The following CHN2 variants were observed in gnomAD, a reference collection of about 807,000 sequenced individuals.
CHN2 encodes the protein beta-chimaerin.
A neutral mutation model predicts 56.3 loss-of-function variants in CHN2; 35 were observed. The ratio of observed to expected loss-of-function variants is 0.62; its 90% CI spans 0.47 to 0.82. CHN2 has a LOEUF of 0.82. Ranked by LOEUF, CHN2 falls within the 40% of genes least tolerant of loss-of-function variation. CHN2 has a pLI of 0.00. For missense variants in CHN2, 491 were observed against 580.5 expected (o/e 0.85, Z 1.58); for synonymous variants, 210 against 212.8 (o/e 0.99, Z 0.12).
intron 6 of CHN2, chr7:29,401,297 C>T (rs1802188721): frequency 6.4e-6 from 1 of 155,510 alleles, no homozygotes; most frequent in Admixed American, 6.3e-5. Context: ...TAGGTCAGCC[C>T]CCTCATTTTA....
chr7:29,194,933 C>T lies in CHN2; in HGVS notation c.-9C>T. 1.9e-6 allele frequency: 3 copies of T among 1,565,150 alleles called. No homozygotes were observed. The highest frequency in any genetic ancestry group is 1.2e-5 in the South Asian group (1 of 85,748). On this transcript the variant is annotated 5_prime_UTR_variant, in exon 1 of 13. Coordinates refer to ENST00000222792, the MANE Select transcript of CHN2 (RefSeq NM_004067.4). ...GCTGAGCGAGCAGCGACGCGAGGGG[C>T]GCGCGGAGATGGCAGCGTCCAGCAA...
chr7:29,306,792 G>C (rs1023125772), intron 1 of CHN2, among the ~76,000 whole-genome samples: 1 of 152,204 alleles, frequency 6.6e-6, no homozygotes, highest in Non-Finnish European at 1.5e-5. Flanking sequence ...ATCCTTGAGG[G>C]CTGACAGCAA....
chr7:29,325,357 C>A (rs60016395), intron 1 of CHN2, among the ~76,000 whole-genome samples: 5,252 of 152,220 alleles, frequency 0.035, 319 homozygotes, highest in African/African-American at 0.12. Flanking sequence ...ATTCATCACG[C>A]CTTGGGGTCT....
chr7:29,196,631 A>C (rs965646661), intron 1 of CHN2, among the ~76,000 whole-genome samples: 4 of 152,250 alleles, frequency 2.6e-5, no homozygotes, highest in Non-Finnish European at 5.9e-5. Flanking sequence ...AAAAGACGAA[A>C]GGAGAAAGGA....
intron 8 of CHN2, among the ~76,000 whole-genome samples, chr7:29,498,099 C>G (rs1562662169): frequency 6.6e-6 from 1 of 152,166 alleles, no homozygotes; most frequent in Non-Finnish European, 1.5e-5. Flanking sequence ...GTAAGACATA[C>G]TAAGAATTCC....
chr7:29,328,394 T>C (rs1795967247), intron 1 of CHN2, among the ~76,000 whole-genome samples: 1 of 152,084 alleles, frequency 6.6e-6, no homozygotes, highest in African/African-American at 2.4e-5. Flanking sequence ...AAGACTGAGA[T>C]GAAGATATAA....
intron 1 of CHN2, among the ~76,000 whole-genome samples, chr7:29,268,383 GT>G (rs1022899843): frequency 3.3e-5 from 5 of 150,818 alleles, no homozygotes; most frequent in African/African-American, 1.2e-4. Context: ...ATTGGCTAGA[GT>G]TTTTTTTAAG....
At position 29,198,358 on chromosome 7, in the gene CHN2, T is replaced by C. The variant is rs536902142; in HGVS notation, c.49+3368T>C. Reference sequence around the variant, plus strand: ...GCCTGATTTTCCTGAGAATTTGCTCTCACTAGCTGCTGTTAAACTACATCG... The same window carrying C: ...GCCTGATTTTCCTGAGAATTTGCTCCCACTAGCTGCTGTTAAACTACATCG... On this transcript the variant is annotated intron_variant, in intron 1 of 12. Transcript: ENST00000222792. Among the ~76,000 whole-genome samples, 45 of 152,372 alleles carry C rather than the reference T, an allele frequency of 3.0e-4. 3 individuals carry two copies. The South Asian group carries it at 8.9e-3, about 30-fold the overall frequency.
intron 6 of CHN2, among the ~76,000 whole-genome samples, chr7:29,420,489 C>T (rs1804225759): frequency 6.6e-6 from 1 of 152,180 alleles, no homozygotes; most frequent in Non-Finnish European, 1.5e-5. Context: ...CATGGATGAA[C>T]TTTGAGGACA....
intron 2 of CHN2, among the ~76,000 whole-genome samples, chr7:29,170,815 G>A (rs1231900947): frequency 6.6e-6 from 1 of 152,192 alleles, no homozygotes; most frequent in Non-Finnish European, 1.5e-5. Context: ...GGAAGGCGAG[G>A]AGGAGCAAGT....
rs5883217 is a variant in CHN2 at position 29,494,950 on chromosome 7, T to TAAAAAAAAAAAAAAA, written c.655-985_655-971dup. On this transcript the variant is annotated intron_variant, in intron 7 of 12. Coordinates refer to ENST00000222792, the MANE Select transcript of CHN2 (RefSeq NM_004067.4). ...TTTTTTGTTAAATAAAAGCAGTTTG[T>TAAAAAAAAAAAAAAA]AAAAAAAAAAAAAAAAAAAAAAAAA... 1.3e-3 allele frequency among the ~76,000 whole-genome samples: 86 copies of TAAAAAAAAAAAAAAA among 64,652 alleles called. 1 individual carries two copies. Among genetic ancestry groups the TAAAAAAAAAAAAAAA allele is most frequent in the Non-Finnish European group, 1.9e-3 (66 of 35,348 alleles). 42.4% of individuals were successfully genotyped at this position (64,652 alleles called of 152,430 possible).
chr7:29,358,120 A>G (rs1798445247), intron 2 of CHN2, among the ~76,000 whole-genome samples: 2 of 152,216 alleles, frequency 1.3e-5, no homozygotes, highest in African/African-American at 2.4e-5. Context: ...CAATGATTAG[A>G]CAAGTAAGTA....
At position 29,463,633 on chromosome 7, in the gene CHN2, G is replaced by A. The variant is rs140412849; in HGVS notation, c.577-16646G>A. ...ATCAGATGGCTTTAGAAAATAAGGTGGGTGGATATTAACACTTTGGGTGAG... is the reference window on the plus strand; with the variant it reads ...ATCAGATGGCTTTAGAAAATAAGGTAGGTGGATATTAACACTTTGGGTGAG... On this transcript the variant is annotated intron_variant, in intron 6 of 12. Transcript: ENST00000222792. Among the ~76,000 whole-genome samples, 474 of 152,282 alleles carry A rather than the reference G, an allele frequency of 3.1e-3. 1 individual carries two copies. Among genetic ancestry groups the A allele is most frequent in the African/African-American group, 0.011 (459 of 41,554 alleles).
intron 1 of CHN2, among the ~76,000 whole-genome samples, chr7:29,308,577 A>G (rs1035044461): frequency 3.3e-5 from 5 of 152,136 alleles, no homozygotes; most frequent in African/African-American, 1.2e-4. Context: ...CGGAATCCTT[A>G]GCAGGATCTC....
chr7:29,387,687 T>C (rs1332200237), intron 3 of CHN2, among the ~76,000 whole-genome samples: 4 of 152,216 alleles, frequency 2.6e-5, no homozygotes, highest in Non-Finnish European at 5.9e-5. Context: ...ATATCTGTGT[T>C]CTCCTGATCC....
intron 1 of CHN2, among the ~76,000 whole-genome samples, chr7:29,345,677 G>A (rs985361872): frequency 5.9e-5 from 9 of 152,122 alleles, no homozygotes; most frequent in African/African-American, 1.7e-4. Flanking sequence ...CCTGTTCACC[G>A]TATTGTGCCC....
chr7:29,426,709 C>A (rs1367910832), intron 6 of CHN2, among the ~76,000 whole-genome samples: 2 of 152,234 alleles, frequency 1.3e-5, no homozygotes, highest in Admixed American at 1.3e-4. Flanking sequence ...GTTCTCCACT[C>A]AGAGTATCAC....
intron 6 of CHN2, among the ~76,000 whole-genome samples, chr7:29,428,295 A>G (rs1204613169): frequency 6.6e-6 from 1 of 152,228 alleles, no homozygotes; most frequent in African/African-American, 2.4e-5. Context: ...GCCAGATGCT[A>G]TAACACATAC....
chr7:29,474,177 A>G (rs1016116669), intron 6 of CHN2, among the ~76,000 whole-genome samples: 4 of 152,308 alleles, frequency 2.6e-5, no homozygotes, highest in East Asian at 3.9e-4. Context: ...CTCACCTAAC[A>G]TTATACCAGA....
Sources: gnomAD v4.1 joint callset for allele counts (sites outside exome capture counted in the v4.1 genomes callset) on GRCh38, gnomAD v4.1.1 for gene constraint, MANE v1.5 for transcripts, NCBI Gene and HGNC (gene_info 2026-07-23, HGNC 2026-07-21) for gene names.